Variants in TMEM170B observed in about 807,000 individuals in gnomAD.
TMEM170B encodes transmembrane protein 170B.
TMEM170B carries 6 observed loss-of-function variants against 13.0 expected under a neutral mutation model. That is an observed-to-expected ratio of 0.46 (90% CI 0.25 to 0.91). TMEM170B has a LOEUF of 0.91. Among genes scored for constraint, TMEM170B ranks in the 40% least tolerant of loss-of-function variants. The pLI, the probability that TMEM170B is intolerant of heterozygous loss-of-function variation, is 0.17. For missense variants in TMEM170B, 138 were observed against 165.2 expected, an observed-to-expected ratio of 0.84 and a Z score of 0.90; for synonymous variants, 61 against 64.9, an observed-to-expected ratio of 0.94 and a Z score of 0.29.
chr6:11,567,140 A>T (rs1340211976), intron 2 of TMEM170B, among the ~76,000 whole-genome samples: 1 of 152,044 alleles, frequency 6.6e-6, no homozygotes, highest in Non-Finnish European at 1.5e-5. Context: ...CTGACAACCT[A>T]CCTATTGTAA....
intron 1 of TMEM170B, among the ~76,000 whole-genome samples, chr6:11,539,551 T>A (rs897233258): frequency 6.6e-6 from 1 of 152,196 alleles, no homozygotes; most frequent in African/African-American, 2.4e-5. Flanking sequence ...CACTGGTTTC[T>A]TCGAATGGAA....
At chr6:11,561,190 C>T (rs1759659917) in intron 1 of TMEM170B, among the ~76,000 whole-genome samples, 1 of 152,158 alleles carries the variant, frequency 6.6e-6, no homozygotes. Context: ...GCATGAGATG[C>T]TTCAAAGTTT....
At chr6:11,556,696 T>TTGGGTCC (rs1271241918) in intron 1 of TMEM170B, among the ~76,000 whole-genome samples, 1 of 152,112 alleles carries the variant, frequency 6.6e-6, no homozygotes, top group African/African-American at 2.4e-5. Flanking sequence ...CTGCTTGGAA[T>TTGGGTCC]TGGGTCCTGG....
chr6:11,551,362 A>G (rs1406165167), intron 1 of TMEM170B, among the ~76,000 whole-genome samples: 1 of 152,204 alleles, frequency 6.6e-6, no homozygotes, highest in Non-Finnish European at 1.5e-5. Context: ...TTGTGCGAGC[A>G]GACTGCACAA....
intron 1 of TMEM170B, among the ~76,000 whole-genome samples, chr6:11,544,254 G>A (rs541466019): frequency 6.6e-6 from 1 of 152,250 alleles, no homozygotes; most frequent in South Asian, 2.1e-4. Context: ...AACTTTTTGA[G>A]CAACATGACA....
chr6:11,572,443 C>T (rs973929312), intron 2 of TMEM170B, among the ~76,000 whole-genome samples: 2 of 152,014 alleles, frequency 1.3e-5, no homozygotes, highest in African/African-American at 4.8e-5. Context: ...TTAACTTTTT[C>T]ATTGTATACC....
intron 1 of TMEM170B, among the ~76,000 whole-genome samples, chr6:11,542,861 G>T (rs1759380422): frequency 6.6e-6 from 1 of 152,110 alleles, no homozygotes; most frequent in Non-Finnish European, 1.5e-5. Flanking sequence ...TGTGTGTTAG[G>T]CACTTTACAT....
chr6:11,543,309 T>C (rs897635924), intron 1 of TMEM170B, among the ~76,000 whole-genome samples: 6 of 152,232 alleles, frequency 3.9e-5, no homozygotes, highest in African/African-American at 1.4e-4. Context: ...TTAAACATTC[T>C]ATATTGCATT....
At chr6:11,543,087 TTGCTACTTC>T (rs1759384464) in intron 1 of TMEM170B, among the ~76,000 whole-genome samples, 1 of 152,224 alleles carries the variant, frequency 6.6e-6, no homozygotes, top group South Asian at 2.1e-4. Context: ...TTGCTTCATC[TTGCTACTTC>T]TGCTCTTTGT....
At chr6:11,559,894 T>C (rs1374453668) in intron 1 of TMEM170B, among the ~76,000 whole-genome samples, 1 of 151,950 alleles carries the variant, frequency 6.6e-6, no homozygotes, top group East Asian at 1.9e-4. Context: ...GTTTAGTGCA[T>C]AGTAAGTTTT....
intron 1 of TMEM170B, among the ~76,000 whole-genome samples, chr6:11,549,311 C>T (rs1157675866): frequency 7.9e-6 from 1 of 126,920 alleles, no homozygotes; most frequent in Non-Finnish European, 1.8e-5. Flanking sequence ...TTTTAAATGA[C>T]TAACTACATG....
intron 1 of TMEM170B, among the ~76,000 whole-genome samples, chr6:11,545,280 C>CTCTCTGTGTGTGTGTGTGTGTGTGTG (rs1442789332): frequency 8.6e-5 from 12 of 139,732 alleles, no homozygotes; most frequent in Non-Finnish European, 1.5e-4. Flanking sequence ...CTCTCTCTCT[C>CTCTCTGTGTGTGTGTGTGTGTGTGTG]TGTGTGTGTG....
At chr6:11,549,995 A>C (rs1243730699) in intron 1 of TMEM170B, among the ~76,000 whole-genome samples, 1 of 151,996 alleles carries the variant, frequency 6.6e-6, no homozygotes, top group Non-Finnish European at 1.5e-5. Flanking sequence ...TTACATGTAC[A>C]TCAATTTTTC....
At chr6:11,548,778 A>G (rs2113765552) in intron 1 of TMEM170B, among the ~76,000 whole-genome samples, 1 of 152,328 alleles carries the variant, frequency 6.6e-6, no homozygotes, top group African/African-American at 2.4e-5. Context: ...TTGTAGGGAC[A>G]TGGATGAAGC....
In TMEM170B at chr6:11,576,088, T is replaced by G. The variant is rs1367393708; in HGVS notation, c.*527T>G. On this transcript the variant is annotated 3_prime_UTR_variant, in exon 3 of 3. Coordinates refer to ENST00000379426, the MANE Select transcript of TMEM170B (RefSeq NM_001100829.3). ...ACTGAATTGTTTAATATGAGAGAAA[T>G]TATTTGGTTTTTAATGTTGCGCGTT... 1 of 152,308 alleles carries G rather than the reference T, an allele frequency of 6.6e-6. No individual in the cohort carries two copies. The highest frequency in any genetic ancestry group is 6.5e-5 in the Admixed American group (1 of 15,280). 9.4% of individuals were successfully genotyped at this position (152,308 alleles called of 1,614,324 possible).
chr6:11,578,829 C>T lies in TMEM170B; in HGVS notation c.*3268C>T, dbSNP rs964629483. The T allele has an allele frequency of 3.9e-5, 6 of 152,156 alleles. No individual in the cohort carries two copies. The highest frequency in any genetic ancestry group is 1.4e-4 in the African/African-American group (6 of 41,524). The allele number at this position is 152,156 out of a possible 1,614,324, so 9.4% of individuals were successfully genotyped here. ...TATCTTGTATTTGTGATATGAGCAA[C>T]GGGATAATTTGAAATCACAGAATGT... On this transcript the variant is annotated 3_prime_UTR_variant, in exon 3 of 3. Transcript: ENST00000379426.
At chr6:11,549,686 G>A (rs1020475754) in intron 1 of TMEM170B, among the ~76,000 whole-genome samples, 1 of 151,762 alleles carries the variant, frequency 6.6e-6, no homozygotes, top group African/African-American at 2.4e-5. Flanking sequence ...GAAAAAAGAG[G>A]CCTCATTAGA....
chr6:11,559,649 A>G (rs1759635634), intron 1 of TMEM170B, among the ~76,000 whole-genome samples: 1 of 152,176 alleles, frequency 6.6e-6, no homozygotes, highest in Non-Finnish European at 1.5e-5. Flanking sequence ...GAGTCTAGTA[A>G]GTCCCCTATG....
rs1217715411 is a variant in TMEM170B, at chr6:11,581,596, A to G, written c.*6035A>G. 6.6e-6 allele frequency: 1 copy of G among 152,242 alleles called. No homozygotes were observed. The highest frequency in any genetic ancestry group is 1.5e-5 in the Non-Finnish European group (1 of 68,038). The allele number at this position is 152,242 out of a possible 1,614,324, so 9.4% of individuals were successfully genotyped here. ...GAAAGAGGAATTGCGGTGCATAATCAATCGTCTGAGTCCCATAACTGTAAC... is the reference window on the plus strand; with the variant it reads ...GAAAGAGGAATTGCGGTGCATAATCGATCGTCTGAGTCCCATAACTGTAAC... On this transcript the variant is annotated 3_prime_UTR_variant, in exon 3 of 3. Transcript: ENST00000379426.
Sources: gnomAD v4.1 joint callset for allele counts (sites outside exome capture counted in the v4.1 genomes callset) on GRCh38, gnomAD v4.1.1 for gene constraint, MANE v1.5 for transcripts, NCBI Gene and HGNC (gene_info 2026-07-23, HGNC 2026-07-21) for gene names.